The following NEURL1 variants were observed in gnomAD, a reference collection of about 807,000 sequenced individuals.
NEURL1 encodes the protein neuralized E3 ubiquitin protein ligase 1.
A neutral mutation model predicts 41.2 loss-of-function variants in NEURL1; 26 were observed. The observed-to-expected ratio is 0.63, with a 90% CI of 0.46 to 0.87. The LOEUF (loss-of-function observed/expected upper bound fraction) is 0.87. Among genes scored for constraint, NEURL1 ranks in the 40% least tolerant of loss-of-function variants. The pLI is 0.00. For synonymous variants in NEURL1, 400 were observed against 402.3 expected (o/e 0.99, Z 0.07); for missense variants, 761 against 871.1 (o/e 0.87, Z 1.59).
chr10:103,562,534 A>G (rs1244617458), intron 1 of NEURL1, among the ~76,000 whole-genome samples: 3 of 152,216 alleles, frequency 2.0e-5, no homozygotes, highest in African/African-American at 7.2e-5. Flanking sequence ...GTGACTTCTC[A>G]ACTCTCCTGA....
intron 1 of NEURL1, among the ~76,000 whole-genome samples, chr10:103,568,918 G>T (rs1284587262): frequency 1.3e-5 from 2 of 152,194 alleles, no homozygotes; most frequent in African/African-American, 4.8e-5. Flanking sequence ...GGGTTCAAGT[G>T]ATTCTCCTGC....
chr10:103,584,053 G>C (rs963993430), intron 3 of NEURL1, among the ~76,000 whole-genome samples: 55 of 152,262 alleles, frequency 3.6e-4, no homozygotes, highest in Non-Finnish European at 4.1e-4. Flanking sequence ...TGTACGCAAA[G>C]AGGGTGTCTG....
At chr10:103,547,636 C>T (rs1024548521) in intron 1 of NEURL1, among the ~76,000 whole-genome samples, 1 of 152,278 alleles carries the variant, frequency 6.6e-6, no homozygotes, top group Non-Finnish European at 1.5e-5. Flanking sequence ...GGGCCTGACA[C>T]AAGAAGGAGT....
At chr10:103,524,141 G>A (rs1357094774) in intron 1 of NEURL1, among the ~76,000 whole-genome samples, 2 of 152,106 alleles carry the variant, frequency 1.3e-5, no homozygotes, top group South Asian at 4.1e-4. Flanking sequence ...TATAACTGGG[G>A]TGCAATGATA....
chr10:103,547,138 T>G (rs1195521865), intron 1 of NEURL1, among the ~76,000 whole-genome samples: 3 of 152,200 alleles, frequency 2.0e-5, no homozygotes, highest in Non-Finnish European at 2.9e-5. Flanking sequence ...TCAACCCAAT[T>G]TTTCAGAAGA....
chr10:103,498,866 C>G (rs761339155), intron 1 of NEURL1, among the ~76,000 whole-genome samples: 2 of 152,218 alleles, frequency 1.3e-5, no homozygotes, highest in Non-Finnish European at 2.9e-5. Flanking sequence ...GTAGCGTGCA[C>G]CTTTTTTCCT....
chr10:103,546,575 A>G (rs1290801439), intron 1 of NEURL1, among the ~76,000 whole-genome samples: 1 of 152,216 alleles, frequency 6.6e-6, no homozygotes, highest in Non-Finnish European at 1.5e-5. Flanking sequence ...GCTGAGCATT[A>G]GCTGTGTGAC....
At position 103,590,441 on chromosome 10, in the gene NEURL1, G is replaced by A. The variant is rs1216564978; in HGVS notation, c.*69G>A. On this transcript the variant is annotated 3_prime_UTR_variant, in exon 6 of 6. Transcript: ENST00000369780. ...CAGCCCAGTCCCAGCTGAGGAACAA[G>A]CCAGTGGGGCCCCTTCTCTTCCTCA... The A allele has an allele frequency of 2.9e-6, 4 of 1,357,548 alleles. No homozygotes were observed. The highest frequency in any genetic ancestry group is 4.2e-6 in the Non-Finnish European group (4 of 958,584). 84.1% of individuals were successfully genotyped at this position (1,357,548 alleles called of 1,614,324 possible).
Position 103,531,220 on chromosome 10 carries a change from A to C in NEURL1, c.85+36748A>C, listed in dbSNP as rs2034563508. Among the ~76,000 whole-genome samples the C allele has an allele frequency of 2.1e-5, 3 of 143,288 alleles. No individual in the cohort carries two copies. In the South Asian group the frequency reaches 6.6e-4, roughly 31 times the overall value. The allele number at this position is 143,288 out of a possible 152,430, so 94.0% of individuals were successfully genotyped here. On this transcript the variant is annotated intron_variant, in intron 1 of 5. Coordinates refer to ENST00000369780, the MANE Select transcript of NEURL1 (RefSeq NM_004210.5). The stretch of plus-strand genomic sequence containing the variant: ...GGGCAACAAAGCAAGACCCTGTCTC[A>C]AAAAAAAAATGTGTTCTAGAGCTGT...
Position 103,533,724 on chromosome 10 carries a change from G to T in NEURL1, c.86-37148G>T, listed in dbSNP as rs186306687. Among the ~76,000 whole-genome samples, 152 of 152,260 alleles carry T rather than the reference G, an allele frequency of 1.0e-3. 1 individual carries two copies. The highest frequency in any genetic ancestry group is 3.3e-3 in the Admixed American group (50 of 15,296). ...GCTAATTTTTTGTATTTTTAGTAGA[G>T]ACGGGGTTTCACCGTGTTAGCCAGG... On this transcript the variant is annotated intron_variant, in intron 1 of 5. Transcript: ENST00000369780.
chr10:103,513,101 G>A (rs1236684468), intron 1 of NEURL1, among the ~76,000 whole-genome samples: 1 of 151,804 alleles, frequency 6.6e-6, no homozygotes, highest in East Asian at 1.9e-4. Flanking sequence ...ATCACCCGGT[G>A]CCCACCCGGC....
chr10:103,516,731 G>T lies in NEURL1; in HGVS notation c.85+22259G>T, dbSNP rs567018449. On this transcript the variant is annotated intron_variant, in intron 1 of 5. Transcript: ENST00000369780. ...GTGGTTCTCTAAGGGCCTACGAATT[G>T]CCTGGAGAGCTTGGAAAAATGTAGA... is the stretch of plus-strand genomic sequence containing the variant. 2.6e-5 allele frequency among the ~76,000 whole-genome samples: 4 copies of T among 152,284 alleles called. No individual in the cohort carries two copies. The East Asian group carries it at 7.7e-4, about 29-fold the overall frequency.
chr10:103,559,386 G>A (rs1289914457), intron 1 of NEURL1, among the ~76,000 whole-genome samples: 1 of 152,182 alleles, frequency 6.6e-6, no homozygotes. Flanking sequence ...CCCAGCAGAT[G>A]CTGGGTCAGT....
At chr10:103,553,244 G>A (rs1030509659) in intron 1 of NEURL1, among the ~76,000 whole-genome samples, 6 of 152,222 alleles carry the variant, frequency 3.9e-5, no homozygotes, top group African/African-American at 1.4e-4. Context: ...CAAGTTAAAT[G>A]CGTCACACGC....
chr10:103,496,991 G>A (rs531007470), intron 1 of NEURL1, among the ~76,000 whole-genome samples: 68 of 152,210 alleles, frequency 4.5e-4, no homozygotes, highest in African/African-American at 1.5e-3. Flanking sequence ...ACCACTGTAG[G>A]TGACCATGGG....
chr10:103,572,164 C>T (rs551463940), intron 3 of NEURL1, among the ~76,000 whole-genome samples: 2 of 152,346 alleles, frequency 1.3e-5, no homozygotes, highest in East Asian at 3.9e-4. Context: ...TCATAGAACA[C>T]TTACTATGTG....
chr10:103,576,457 CAG>C (rs1167000360), intron 3 of NEURL1, among the ~76,000 whole-genome samples: 2 of 152,176 alleles, frequency 1.3e-5, no homozygotes, highest in South Asian at 2.1e-4. Flanking sequence ...GTATGCATCA[CAG>C]GGGAGAGAGC....
intron 1 of NEURL1, among the ~76,000 whole-genome samples, chr10:103,561,582 C>T (rs938883994): frequency 3.3e-5 from 5 of 152,132 alleles, no homozygotes; most frequent in Non-Finnish European, 5.9e-5. Context: ...GTATTCTATT[C>T]ATTCGAAGCT....
intron 1 of NEURL1, among the ~76,000 whole-genome samples, chr10:103,540,170 T>C (rs1347910586): frequency 6.6e-6 from 1 of 152,252 alleles, no homozygotes; most frequent in Admixed American, 6.5e-5. Context: ...CTGGTTAACA[T>C]AGCAGTGCAT....
Sources: allele counts gnomAD v4.1 joint callset (sites outside exome capture counted in the v4.1 genomes callset), GRCh38; gene constraint gnomAD v4.1.1; transcripts MANE v1.5; gene names NCBI Gene and HGNC (gene_info 2026-07-23, HGNC 2026-07-21).